The following TFDP2 variants were observed in gnomAD, a reference collection of about 807,000 sequenced individuals.
TFDP2 encodes the protein transcription factor Dp-2 (E2F dimerization partner 2).
TFDP2 carries 17 observed loss-of-function variants against 59.3 expected under a neutral mutation model. That is an observed-to-expected ratio of 0.29 (90% confidence interval 0.20 to 0.43). TFDP2 has a LOEUF of 0.43. Among genes scored for constraint, TFDP2 ranks in the 20% least tolerant of loss-of-function variants. TFDP2 has a pLI of 1.00. For missense variants in TFDP2, 391 were observed against 528.8 expected (o/e 0.74, Z 2.56); for synonymous variants, 180 against 194.7 (o/e 0.92, Z 0.63).
chr3:141,978,342 C>T (rs1246640259), intron 7 of TFDP2, among the ~76,000 whole-genome samples, 178 bp downstream of exon 7: 11 of 130,524 alleles, frequency 8.4e-5, no homozygotes, highest in African/African-American at 3.4e-4. Flanking sequence ...GAGGTTCCGC[C>T]TAAAAAACAA....
At chr3:142,071,860 T>A (rs1400004291) in intron 3 of TFDP2, among the ~76,000 whole-genome samples, 1 of 152,112 alleles carries the variant, frequency 6.6e-6, no homozygotes, top group Non-Finnish European at 1.5e-5. Context: ...ACAGACTGAG[T>A]CTGAGGTGCA....
chr3:141,973,532 T>A (rs1940162302), intron 8 of TFDP2, among the ~76,000 whole-genome samples: 1 of 152,180 alleles, frequency 6.6e-6, no homozygotes, highest in African/African-American at 2.4e-5. Flanking sequence ...TGCTTCTGCA[T>A]ACATCATTCC....
chr3:142,045,303 G>A (rs1351312103), intron 3 of TFDP2, among the ~76,000 whole-genome samples: 3 of 151,956 alleles, frequency 2.0e-5, no homozygotes, highest in Non-Finnish European at 2.9e-5. Context: ...GGGACTACAG[G>A]TGCCCACCAC....
At chr3:142,065,509 G>GGGTGTGT (rs1553794515) in intron 3 of TFDP2, among the ~76,000 whole-genome samples, 164 of 148,354 alleles carry the variant, frequency 1.1e-3, no homozygotes, top group South Asian at 1.9e-3. Flanking sequence ...TGTGTGTGTG[G>GGGTGTGT]GTGTGTGTGT....
intron 3 of TFDP2, among the ~76,000 whole-genome samples, chr3:142,032,263 C>T (rs1295579822): frequency 6.6e-6 from 1 of 152,060 alleles, no homozygotes; most frequent in Non-Finnish European, 1.5e-5. Context: ...ACCACCATGC[C>T]TGGCTAATTT....
chr3:142,118,120 T>TG (rs2061907365), intron 1 of TFDP2, among the ~76,000 whole-genome samples: 2 of 152,090 alleles, frequency 1.3e-5, no homozygotes, highest in Admixed American at 6.6e-5. Context: ...GGCAAGGGGC[T>TG]GGGGGGAGGA....
chr3:142,029,330 C>G (rs574830179), intron 3 of TFDP2, among the ~76,000 whole-genome samples: 2 of 151,402 alleles, frequency 1.3e-5, no homozygotes, highest in East Asian at 3.9e-4. Context: ...CAACAAAGAG[C>G]AGCTTAGTTG....
At chr3:142,143,990 T>C (rs1400584477) in intron 1 of TFDP2, among the ~76,000 whole-genome samples, 1 of 149,296 alleles carries the variant, frequency 6.7e-6, no homozygotes, top group African/African-American at 2.4e-5. Context: ...AGCTAAGATT[T>C]GGAAGCAACC....
chr3:141,988,415 C>T (rs1171180628), intron 6 of TFDP2, among the ~76,000 whole-genome samples: 4 of 152,116 alleles, frequency 2.6e-5, no homozygotes, highest in Admixed American at 2.6e-4. Flanking sequence ...TCTCAGCCTC[C>T]TGCCCACAAA....
chr3:142,052,347 C>T (rs926839309), intron 3 of TFDP2, among the ~76,000 whole-genome samples: 1 of 150,752 alleles, frequency 6.6e-6, no homozygotes, highest in Non-Finnish European at 1.5e-5. Flanking sequence ...ACCATCCTGG[C>T]TAACACGGTG....
chr3:141,944,645 C>G lies in TFDP2; in HGVS notation c.*7868G>C, dbSNP rs1005980364. Reference sequence around the variant, plus strand: ...CCCACCTCCAGCACTTCTGACTGAGCGTCTGGGACGCATCCTAGGATCGCA... The same window carrying G: ...CCCACCTCCAGCACTTCTGACTGAGGGTCTGGGACGCATCCTAGGATCGCA... On this transcript the variant is annotated 3_prime_UTR_variant, in exon 13 of 13. Coordinates refer to ENST00000489671, the MANE Select transcript of TFDP2 (RefSeq NM_001178139.2). The G allele has an allele frequency of 8.5e-5, 13 of 152,264 alleles. No homozygotes were observed. The highest frequency in any genetic ancestry group is 5.2e-4 in the Admixed American group (8 of 15,302). The allele number at this position is 152,264 out of a possible 1,614,324, so 9.4% of individuals were successfully genotyped here. A position where few individuals can be genotyped will look rare whatever the true frequency, so the allele number is the denominator to read the frequency against.
At chr3:142,066,519 A>T (rs1166547643) in intron 3 of TFDP2, among the ~76,000 whole-genome samples, 1 of 152,200 alleles carries the variant, frequency 6.6e-6, no homozygotes, top group Non-Finnish European at 1.5e-5. Context: ...TAACTCATGT[A>T]ATTTATTGAA....
intron 3 of TFDP2, among the ~76,000 whole-genome samples, chr3:142,073,439 C>T (rs1401212113): frequency 2.6e-5 from 2 of 76,958 alleles, no homozygotes; most frequent in Non-Finnish European, 5.4e-5. Flanking sequence ...GTGTTAAATG[C>T]TTAAAAACAA....
intron 3 of TFDP2, among the ~76,000 whole-genome samples, chr3:142,038,383 C>CAAAAAAAAAA (rs1184364752): frequency 1.4e-4 from 6 of 41,422 alleles, no homozygotes; most frequent in African/African-American, 2.2e-4. Flanking sequence ...GACTCCATCT[C>CAAAAAAAAAA]AAAAAAAAAA....
intron 8 of TFDP2, among the ~76,000 whole-genome samples, chr3:141,971,616 CAGACCAAACAAA>C (rs1939773782): frequency 6.6e-6 from 1 of 151,990 alleles, no homozygotes; most frequent in Non-Finnish European, 1.5e-5. Context: ...CTAAGCTCAA[CAGACCAAACAAA>C]AATGGAGTCA....
intron 1 of TFDP2, among the ~76,000 whole-genome samples, chr3:142,142,390 C>T (rs2062991854): frequency 6.6e-6 from 1 of 152,042 alleles, no homozygotes; most frequent in East Asian, 1.9e-4. Context: ...TAGGTAATAA[C>T]CAAAGAAGTG....
At chr3:142,081,663 C>T (rs986102508) in intron 3 of TFDP2, among the ~76,000 whole-genome samples, 6 of 152,062 alleles carry the variant, frequency 3.9e-5, no homozygotes, top group African/African-American at 9.7e-5. Flanking sequence ...ATTGATACCA[C>T]GGAAATTCAT....
intron 1 of TFDP2, among the ~76,000 whole-genome samples, chr3:142,103,835 T>C (rs1432049794): frequency 6.6e-6 from 1 of 152,100 alleles, no homozygotes; most frequent in Non-Finnish European, 1.5e-5. Flanking sequence ...ATGGCTGCCT[T>C]ATATGTTAGA....
intron 3 of TFDP2, among the ~76,000 whole-genome samples, chr3:142,018,765 C>A (rs1467411793): frequency 1.3e-5 from 2 of 151,988 alleles, no homozygotes; most frequent in Middle Eastern, 3.2e-3. Context: ...ATTTTATTTT[C>A]TTTGACAACT....
Sources: gnomAD v4.1 joint callset for allele counts (sites outside exome capture counted in the v4.1 genomes callset) on GRCh38, gnomAD v4.1.1 for gene constraint, MANE v1.5 for transcripts, NCBI Gene and HGNC (gene_info 2026-07-23, HGNC 2026-07-21) for gene names.